The following FAF1 variants were observed in gnomAD, a reference collection of about 807,000 sequenced individuals.
FAF1 encodes Fas associated factor 1, also known as FAS-associated factor 1.
In FAF1, 25 loss-of-function variants were observed where a neutral mutation model predicts 92.5. The observed-to-expected ratio is 0.27, with a 90% confidence interval of 0.20 to 0.38. The LOEUF is 0.38. Among genes scored for constraint, FAF1 ranks in the 10% least tolerant of loss-of-function variants. The probability of loss-of-function intolerance (pLI) is 1.00; values close to 1 mark genes in which losing one functional copy is unlikely to be tolerated. For missense variants in FAF1, 636 were observed against 793.3 expected, an observed-to-expected ratio of 0.80 and a Z score of 2.38; for synonymous variants, 234 against 273.2, an observed-to-expected ratio of 0.86 and a Z score of 1.42.
At chr1:50,806,324 A>G (rs983496182) in intron 2 of FAF1, among the ~76,000 whole-genome samples, 6 of 152,244 alleles carry the variant, frequency 3.9e-5, no homozygotes, top group Non-Finnish European at 5.9e-5. Context: ...AGATACCACC[A>G]CACACCCAAT....
intron 14 of FAF1, among the ~76,000 whole-genome samples, chr1:50,535,680 G>GGT (rs904626925): frequency 3.0e-4 from 46 of 152,272 alleles, no homozygotes; most frequent in African/African-American, 1.1e-3. Context: ...AGTTATATTT[G>GGT]AGGGAGCAGT....
At chr1:50,619,133 T>C (rs1653074294) in intron 8 of FAF1, among the ~76,000 whole-genome samples, 1 of 152,270 alleles carries the variant, frequency 6.6e-6, no homozygotes, top group South Asian at 2.1e-4. Flanking sequence ...GGTGTCATTA[T>C]GTGTGAGATG....
chr1:50,545,066 CA>C (rs984957656), intron 13 of FAF1, among the ~76,000 whole-genome samples: 2 of 151,622 alleles, frequency 1.3e-5, no homozygotes, highest in African/African-American at 4.8e-5. Flanking sequence ...ATAACTAGGC[CA>C]AAAGATAAAT....
At chr1:50,557,676 TCTGA>T (rs964185143) in intron 13 of FAF1, among the ~76,000 whole-genome samples, 1 of 152,160 alleles carries the variant, frequency 6.6e-6, no homozygotes. Context: ...TTATAATTTC[TCTGA>T]CTGTTTTACT....
chr1:50,556,709 C>T (rs1649600236), intron 13 of FAF1, among the ~76,000 whole-genome samples: 1 of 151,742 alleles, frequency 6.6e-6, no homozygotes, highest in Non-Finnish European at 1.5e-5. Context: ...TAGTGGTGTG[C>T]ACCTGTAGTC....
intron 8 of FAF1, among the ~76,000 whole-genome samples, chr1:50,600,356 T>C (rs530970436): frequency 6.6e-6 from 1 of 152,266 alleles, no homozygotes. Context: ...GATTGCATGA[T>C]GTTATAAAAT....
intron 13 of FAF1, among the ~76,000 whole-genome samples, chr1:50,561,900 G>T (rs1037253910): frequency 1.7e-5 from 2 of 118,746 alleles, no homozygotes; most frequent in Admixed American, 1.6e-4. Context: ...GAAGGAAGTT[G>T]TGTAAACCAA....
intron 15 of FAF1, among the ~76,000 whole-genome samples, chr1:50,503,959 G>A (rs1248619499): frequency 6.6e-6 from 1 of 152,198 alleles, no homozygotes; most frequent in Non-Finnish European, 1.5e-5. Context: ...TATTTTGATT[G>A]TGGTAAGGAT....
chr1:50,783,307 C>T (rs1446180171), intron 4 of FAF1, among the ~76,000 whole-genome samples: 1 of 152,156 alleles, frequency 6.6e-6, no homozygotes, highest in Non-Finnish European at 1.5e-5. Context: ...CAAGCCTTCT[C>T]ACACTCTTCC....
intron 2 of FAF1, among the ~76,000 whole-genome samples, chr1:50,810,788 C>T (rs537314074): frequency 6.6e-6 from 1 of 152,290 alleles, no homozygotes; most frequent in Admixed American, 6.5e-5. Context: ...GTGATTCACA[C>T]CTGTAATCCC....
At chr1:50,882,357 G>A (rs966644898) in intron 1 of FAF1, among the ~76,000 whole-genome samples, 1 of 152,082 alleles carries the variant, frequency 6.6e-6, no homozygotes, top group Non-Finnish European at 1.5e-5. Flanking sequence ...ACTTTGGGAG[G>A]CCAAGGCGGG....
At chr1:50,924,943 A>G (rs1386390126) in intron 1 of FAF1, among the ~76,000 whole-genome samples, 1 of 152,240 alleles carries the variant, frequency 6.6e-6, no homozygotes, top group Non-Finnish European at 1.5e-5. Flanking sequence ...AGATCGTGCC[A>G]TTGCACTCCA....
At position 50,883,811 on chromosome 1, in the gene FAF1, G is replaced by C. The variant is rs539839578; in HGVS notation, c.46-25814C>G. On this transcript the variant is annotated intron_variant, in intron 1 of 18. Coordinates refer to ENST00000396153, the MANE Select transcript of FAF1 (RefSeq NM_007051.3). ...GATATTATGGAATTATTAATTTACT[G>C]AGACGTACAGTATTGAGTATACGGG... 8.5e-5 allele frequency among the ~76,000 whole-genome samples: 13 copies of C among 152,296 alleles called. No individual in the cohort carries two copies. In the South Asian group the frequency reaches 2.5e-3, roughly 29 times the overall value.
At chr1:50,665,469 G>A (rs1462762718) in intron 7 of FAF1, among the ~76,000 whole-genome samples, 1 of 152,132 alleles carries the variant, frequency 6.6e-6, no homozygotes, top group Non-Finnish European at 1.5e-5. Context: ...ATCCAATAAT[G>A]TAACAGTTAA....
At chr1:50,498,799 G>A (rs1646940933) in intron 15 of FAF1, among the ~76,000 whole-genome samples, 1 of 150,810 alleles carries the variant, frequency 6.6e-6, no homozygotes, top group Non-Finnish European at 1.5e-5. Context: ...GCAGTGAACC[G>A]AGATCGTGCC....
chr1:50,479,709 A>C (rs1646678335), intron 17 of FAF1, among the ~76,000 whole-genome samples: 1 of 152,186 alleles, frequency 6.6e-6, no homozygotes, highest in Non-Finnish European at 1.5e-5. Context: ...AAGAATAAAC[A>C]ACAGTAGCTC....
intron 6 of FAF1, among the ~76,000 whole-genome samples, chr1:50,736,252 TC>T (rs1327255219): frequency 3.9e-5 from 6 of 152,212 alleles, no homozygotes; most frequent in Non-Finnish European, 8.8e-5. Flanking sequence ...ATCTTTTTTC[TC>T]CTTTTTAGAT....
intron 4 of FAF1, among the ~76,000 whole-genome samples, chr1:50,746,292 ATTTTTTTTTTT>A (rs1165741663): frequency 2.6e-4 from 6 of 22,678 alleles, no homozygotes; most frequent in Non-Finnish European, 3.3e-4. Context: ...ATATATATAT[ATTTTTTTTTTT>A]TTTTTTTTTT....
At chr1:50,534,456 T>C (rs556805151) in intron 15 of FAF1, among the ~76,000 whole-genome samples, 2 of 152,242 alleles carry the variant, frequency 1.3e-5, no homozygotes, top group South Asian at 2.1e-4. Context: ...CTCATTTTTG[T>C]ATTTTTAGTA....
Sources: gnomAD v4.1 joint callset for allele counts (sites outside exome capture counted in the v4.1 genomes callset) on GRCh38, gnomAD v4.1.1 for gene constraint, MANE v1.5 for transcripts, NCBI Gene and HGNC (gene_info 2026-07-23, HGNC 2026-07-21) for gene names.